Variants in TULP4 observed in about 807,000 individuals in gnomAD.
TULP4 encodes TUB like protein 4.
Under a neutral mutation model 129.0 loss-of-function variants are expected in TULP4, and 16 were observed. The observed-to-expected ratio is 0.12, with a 90% CI of 0.08 to 0.19. The LOEUF (loss-of-function observed/expected upper bound fraction) is 0.19. Among genes scored for constraint, TULP4 ranks in the 10% least tolerant of loss-of-function variants. The pLI is 1.00. For missense variants in TULP4, 1,842 were observed against 2,059.1 expected (o/e 0.89, Z 2.04); for synonymous variants, 998 against 854.0 (o/e 1.17, Z -2.94).
At chr6:158,460,800 T>A (rs961119345) in intron 5 of TULP4, among the ~76,000 whole-genome samples, 1 of 152,224 alleles carries the variant, frequency 6.6e-6, no homozygotes, top group Non-Finnish European at 1.5e-5. Context: ...ATGTGCTTTT[T>A]ACTTTTGGCA....
At chr6:158,440,350 CCTA>C (rs1473014138) in intron 3 of TULP4, among the ~76,000 whole-genome samples, 1 of 144,668 alleles carries the variant, frequency 6.9e-6, no homozygotes, top group East Asian at 2.0e-4. Flanking sequence ...AATCCACAAA[CCTA>C]CTAAAGTAAA....
chr6:158,461,769 A>G (rs1214176177), intron 6 of TULP4, 40 bp downstream of exon 6: 2 of 1,577,138 alleles, frequency 1.3e-6, no homozygotes, highest in South Asian at 1.2e-5. Flanking sequence ...TTTCAGCAGT[A>G]TACTAGTGAA....
At chr6:158,416,694 G>A (rs1778217868) in intron 2 of TULP4, among the ~76,000 whole-genome samples, 1 of 152,174 alleles carries the variant, frequency 6.6e-6, no homozygotes, top group Non-Finnish European at 1.5e-5. Context: ...ATCCAGTGTT[G>A]ATAAAGTCTA....
chr6:158,461,853 G>A (rs1779435615), intron 6 of TULP4, 124 bp downstream of exon 6: 1 of 1,163,134 alleles, frequency 8.6e-7, no homozygotes, highest in African/African-American at 1.6e-5. Flanking sequence ...GGTAAACCAG[G>A]AGAAATAAGG....
intron 1 of TULP4, among the ~76,000 whole-genome samples, chr6:158,406,723 C>CG (rs1777984853): frequency 6.6e-6 from 1 of 152,172 alleles, no homozygotes; most frequent in African/African-American, 2.4e-5. Context: ...ATGGTAGTTT[C>CG]GCATTCATAT....
chr6:158,316,319 G>A (rs1017088203), intron 1 of TULP4, among the ~76,000 whole-genome samples: 5 of 152,150 alleles, frequency 3.3e-5, no homozygotes, highest in African/African-American at 1.2e-4. Context: ...ATGTGTTTAG[G>A]TTTAGTAGAA....
At chr6:158,464,405 A>G (rs1050558605) in intron 6 of TULP4, among the ~76,000 whole-genome samples, 13 of 152,332 alleles carry the variant, frequency 8.5e-5, no homozygotes, top group African/African-American at 2.9e-4. Context: ...AGCTTTGCCT[A>G]AAGGCTTGAA....
At chr6:158,243,847 GGTGTGTGTGTGT>G (rs57298904) in intron 1 of TULP4, among the ~76,000 whole-genome samples, 40 of 143,602 alleles carry the variant, frequency 2.8e-4, no homozygotes, top group Non-Finnish European at 4.5e-4. Context: ...AGCTGAAATA[GGTGTGTGTGTGT>G]GTGTGTGTGT....
In TULP4 at chr6:158,372,180, T is replaced by TTTTTA. The variant is rs1458196779; in HGVS notation, c.253-40885_253-40884insTTTTA. 1.4e-3 allele frequency among the ~76,000 whole-genome samples: 200 copies of TTTTTA among 146,578 alleles called. 1 individual carries two copies. Among genetic ancestry groups the TTTTTA allele is most frequent in the African/African-American group, 4.4e-3 (174 of 39,742 alleles). On this transcript the variant is annotated intron_variant, in intron 1 of 13. Coordinates refer to ENST00000367097, the MANE Select transcript of TULP4 (RefSeq NM_020245.5). ...TTCTATCTGCTTTTTTTTTTTTTTT[T>TTTTTA]AAAGAAAAAGCTATTTGGGTGACTT...
chr6:158,325,161 A>C (rs1028323760), intron 1 of TULP4, among the ~76,000 whole-genome samples: 2 of 152,188 alleles, frequency 1.3e-5, no homozygotes, highest in Non-Finnish European at 2.9e-5. Flanking sequence ...TTACCATTCA[A>C]TTCAGTGCAT....
chr6:158,371,703 A>G (rs1777073174), intron 1 of TULP4, among the ~76,000 whole-genome samples: 1 of 152,208 alleles, frequency 6.6e-6, no homozygotes, highest in Admixed American at 6.5e-5. Context: ...AGTCAAAATA[A>G]GTCTTTTTTG....
chr6:158,240,012 C>T (rs1583665429), intron 1 of TULP4, among the ~76,000 whole-genome samples: 1 of 118,482 alleles, frequency 8.4e-6, no homozygotes. Context: ...CCACCTCCCT[C>T]CCGGACGGGG....
intron 5 of TULP4, among the ~76,000 whole-genome samples, chr6:158,458,912 G>A (rs588580): frequency 0.42 from 63,585 of 152,038 alleles, 14,590 homozygotes; most frequent in African/African-American, 0.62. Flanking sequence ...TACTTTATGA[G>A]ATAGCCTGTG....
intron 1 of TULP4, among the ~76,000 whole-genome samples, chr6:158,341,980 G>A (rs1222680711): frequency 6.6e-6 from 1 of 152,146 alleles, no homozygotes; most frequent in Non-Finnish European, 1.5e-5. Context: ...GTGCAGTGGT[G>A]CAATCTCAGC....
At chr6:158,472,685 A>G (rs1229260325) in intron 6 of TULP4, among the ~76,000 whole-genome samples, 2 of 152,188 alleles carry the variant, frequency 1.3e-5, no homozygotes, top group Non-Finnish European at 2.9e-5. Flanking sequence ...TAGATTGGAT[A>G]ATGTATTTCC....
intron 1 of TULP4, among the ~76,000 whole-genome samples, chr6:158,379,745 G>A (rs930489209): frequency 2.0e-5 from 3 of 152,148 alleles, no homozygotes; most frequent in African/African-American, 7.2e-5. Context: ...AGAAAGTGAG[G>A]GGAGGGGGAC....
At chr6:158,239,836 C>A (rs1290151083) in intron 1 of TULP4, among the ~76,000 whole-genome samples, 1 of 63,508 alleles carries the variant, frequency 1.6e-5, no homozygotes, top group Admixed American at 1.4e-4. Flanking sequence ...ACCTCCCTCC[C>A]GGACGGGGCG....
At chr6:158,261,490 G>C (rs1778351498) in intron 1 of TULP4, among the ~76,000 whole-genome samples, 1 of 152,212 alleles carries the variant, frequency 6.6e-6, no homozygotes, top group African/African-American at 2.4e-5. Context: ...AGCAGTCTCG[G>C]AACCTCTTGG....
At chr6:158,317,846 C>A (rs1779526059) in intron 1 of TULP4, among the ~76,000 whole-genome samples, 1 of 152,136 alleles carries the variant, frequency 6.6e-6, no homozygotes, top group Admixed American at 6.5e-5. Context: ...TAATGATCAC[C>A]ATTCTAACTG....
Sources: allele counts gnomAD v4.1 joint callset (sites outside exome capture counted in the v4.1 genomes callset), GRCh38; gene constraint gnomAD v4.1.1; transcripts MANE v1.5; gene names NCBI Gene and HGNC (gene_info 2026-07-23, HGNC 2026-07-21).